CERS6: variants seen among roughly 807,000 people sequenced by gnomAD.
CERS6 encodes the protein LAG1 homolog, ceramide synthase 6.
In CERS6, 26 loss-of-function variants were observed where a neutral mutation model predicts 56.8. That is an observed-to-expected ratio of 0.46 (90% confidence interval 0.34 to 0.63). The LOEUF (loss-of-function observed/expected upper bound fraction) is 0.63. CERS6 is among the 30% of genes least tolerant of loss of function. The pLI, the probability that CERS6 is intolerant of heterozygous loss-of-function variation, is 0.01. For missense variants in CERS6, 415 were observed against 467.5 expected (o/e 0.89, Z 1.04); for synonymous variants, 164 against 173.3 (o/e 0.95, Z 0.42).
intron 4 of CERS6, among the ~76,000 whole-genome samples, chr2:168,665,943 A>G (rs1233724067): frequency 7.5e-6 from 1 of 133,096 alleles, no homozygotes; most frequent in Non-Finnish European, 1.5e-5. Flanking sequence ...TTTTTAAAAA[A>G]TTAGTAGACT....
At chr2:168,513,393 T>C (rs1208957071) in intron 1 of CERS6, among the ~76,000 whole-genome samples, 1 of 152,220 alleles carries the variant, frequency 6.6e-6, no homozygotes, top group Non-Finnish European at 1.5e-5. Context: ...GAATACTACA[T>C]TACATTTAGT....
chr2:168,694,830 T>C (rs1380930386), intron 5 of CERS6, 129 bp from the exon 6 acceptor site: 13 of 669,976 alleles, frequency 1.9e-5, no homozygotes, highest in African/African-American at 1.3e-4. Context: ...ACAAAAAGAA[T>C]AGGACAGGAA....
intron 8 of CERS6, among the ~76,000 whole-genome samples, chr2:168,739,780 C>G (rs1302361483): frequency 6.6e-6 from 1 of 151,386 alleles, no homozygotes; most frequent in African/African-American, 2.4e-5. Context: ...GAGTCTCGCT[C>G]TGTCACCCAG....
intron 3 of CERS6, among the ~76,000 whole-genome samples, chr2:168,602,494 T>G (rs1472867119): frequency 1.3e-5 from 2 of 150,598 alleles, no homozygotes; most frequent in African/African-American, 5.0e-5. Flanking sequence ...TGGATAGACT[T>G]TTTACACAGG....
At chr2:168,459,053 T>C (rs941353719) in intron 1 of CERS6, among the ~76,000 whole-genome samples, 1 of 152,254 alleles carries the variant, frequency 6.6e-6, no homozygotes. Flanking sequence ...CAGTATTCTA[T>C]AATGTATACG....
intron 4 of CERS6, among the ~76,000 whole-genome samples, chr2:168,654,833 T>G (rs1685430533): frequency 6.6e-6 from 1 of 152,238 alleles, no homozygotes; most frequent in African/African-American, 2.4e-5. Flanking sequence ...AATATAGTCT[T>G]ATTGATAATC....
At chr2:168,638,157 A>C (rs1286780025) in intron 4 of CERS6, among the ~76,000 whole-genome samples, 2 of 152,178 alleles carry the variant, frequency 1.3e-5, no homozygotes, top group Non-Finnish European at 2.9e-5. Flanking sequence ...AGCAAAGCTG[A>C]GAATCTGTGG....
chr2:168,697,713 A>G (rs1033814184), intron 6 of CERS6, among the ~76,000 whole-genome samples: 8 of 152,148 alleles, frequency 5.3e-5, no homozygotes, highest in Non-Finnish European at 1.2e-4. Context: ...TTGCCTTGCC[A>G]TGCTCCTGAC....
chr2:168,692,281 A>C (rs150283794), intron 5 of CERS6, among the ~76,000 whole-genome samples: 1 of 152,212 alleles, frequency 6.6e-6, no homozygotes, highest in African/African-American at 2.4e-5. Context: ...ACATTGTCAC[A>C]TAAGGCTCCT....
intron 3 of CERS6, among the ~76,000 whole-genome samples, chr2:168,578,522 G>C (rs1228830008): frequency 6.6e-6 from 1 of 152,096 alleles, no homozygotes; most frequent in Non-Finnish European, 1.5e-5. Flanking sequence ...TGATGCATTA[G>C]ATGTTTTTAT....
chr2:168,693,307 T>G (rs995469623), intron 5 of CERS6, among the ~76,000 whole-genome samples: 2 of 152,110 alleles, frequency 1.3e-5, no homozygotes, highest in African/African-American at 4.8e-5. Flanking sequence ...TCAAAGAAAT[T>G]AACATGTGAG....
At chr2:168,622,459 TAAA>T (rs5836192) in intron 3 of CERS6, among the ~76,000 whole-genome samples, 47,735 of 151,676 alleles carry the variant, frequency 0.31, 8,210 homozygotes, top group South Asian at 0.47. Flanking sequence ...TTGTTGTGTT[TAAA>T]ACACTACATA....
chr2:168,703,696 C>T (rs1686862350), intron 6 of CERS6, among the ~76,000 whole-genome samples: 1 of 152,150 alleles, frequency 6.6e-6, no homozygotes, highest in African/African-American at 2.4e-5. Context: ...TTGATGTAGA[C>T]TTCTCTCCTT....
intron 8 of CERS6, among the ~76,000 whole-genome samples, chr2:168,755,196 CT>C (rs1444575808): frequency 5.9e-5 from 9 of 152,220 alleles, no homozygotes; most frequent in African/African-American, 2.2e-4. Flanking sequence ...GTTTTAGGAT[CT>C]TGGTCTCCTG....
At chr2:168,545,347 T>C (rs1017035209) in intron 1 of CERS6, among the ~76,000 whole-genome samples, 2 of 152,202 alleles carry the variant, frequency 1.3e-5, no homozygotes, top group Non-Finnish European at 2.9e-5. Context: ...TATTTGATAA[T>C]TTTGATTATT....
At chr2:168,693,952 G>C (rs1438768156) in intron 5 of CERS6, among the ~76,000 whole-genome samples, 2 of 152,170 alleles carry the variant, frequency 1.3e-5, no homozygotes, top group Non-Finnish European at 2.9e-5. Flanking sequence ...CCCATGCGTA[G>C]AGTGGGTGAG....
intron 6 of CERS6, among the ~76,000 whole-genome samples, chr2:168,702,603 A>G (rs567966188): frequency 8.7e-4 from 132 of 152,314 alleles, no homozygotes; most frequent in African/African-American, 3.0e-3. Context: ...TTTATTTAAA[A>G]AATCACTACT....
At chr2:168,461,425 A>G (rs1432553507) in intron 1 of CERS6, among the ~76,000 whole-genome samples, 2 of 142,928 alleles carry the variant, frequency 1.4e-5, no homozygotes, top group East Asian at 2.0e-4. Context: ...GCGCTACTAC[A>G]CTCTAGCCTG....
At chr2:168,564,299 C>G (rs373596629) in intron 3 of CERS6, among the ~76,000 whole-genome samples, 1 of 152,096 alleles carries the variant, frequency 6.6e-6, no homozygotes, top group Non-Finnish European at 1.5e-5. Flanking sequence ...TTTATGCTTC[C>G]GTTTTGTCAT....
Sources: gnomAD v4.1 joint callset for allele counts (sites outside exome capture counted in the v4.1 genomes callset) on GRCh38, gnomAD v4.1.1 for gene constraint, MANE v1.5 for transcripts, NCBI Gene and HGNC (gene_info 2026-07-23, HGNC 2026-07-21) for gene names.